PEPD: variants seen among roughly 807,000 people sequenced by gnomAD.
PEPD encodes xaa-Pro dipeptidase.
Under a neutral mutation model 60.7 loss-of-function variants are expected in PEPD, and 53 were observed. That is an observed-to-expected ratio of 0.87 (90% CI 0.70 to 1.10). The LOEUF is 1.10. Ranked by LOEUF, PEPD falls within the 50% of genes least tolerant of loss-of-function variation. The pLI, the probability that PEPD is intolerant of heterozygous loss-of-function variation, is 0.00. For missense variants in PEPD, 711 were observed against 711.9 expected, an observed-to-expected ratio of 1.00 and a Z score of 0.01; for synonymous variants, 267 against 284.1, an observed-to-expected ratio of 0.94 and a Z score of 0.60.
At position 33,387,918 on chromosome 19, in the gene PEPD, A is replaced by G; in HGVS notation, c.1316T>C (p.Val439Ala). Residue 439 changes from valine to alanine, a missense_variant, in exon 14 of 15, where the codon GTC (valine) becomes GCC (alanine). Transcript: ENST00000244137. ...GCCAAAACCGCGAAAGCGCTGCAGG[A>G]CCTCGCGGTTAAGGAAGGAGGCGCG... Reference protein sequence around the residue: ...PARASFLNREVLQRFRGFGGV... With the variant: ...PARASFLNREALQRFRGFGGV... 6.3e-7 allele frequency: 1 copy of G among 1,587,602 alleles called. No homozygotes were observed. Among genetic ancestry groups the G allele is most frequent in the South Asian group, 1.1e-5 (1 of 87,232 alleles).
intron 9 of PEPD, among the ~76,000 whole-genome samples, chr19:33,459,370 T>G (rs1358423564): frequency 6.6e-6 from 1 of 152,178 alleles, no homozygotes; most frequent in Non-Finnish European, 1.5e-5. Context: ...GAGCTGGGAC[T>G]CGCTTACACA....
At chr19:33,411,268 C>T (rs573517515) in intron 11 of PEPD, among the ~76,000 whole-genome samples, 197 of 152,270 alleles carry the variant, frequency 1.3e-3, no homozygotes, top group African/African-American at 4.3e-3. Context: ...AGGCTCCCTG[C>T]GGTCTTCCCA....
At chr19:33,490,128 T>A in intron 5 of PEPD, 71 bp from the exon 6 acceptor site, 1 of 1,050,028 alleles carries the variant, frequency 9.5e-7, no homozygotes. Flanking sequence ...CCCTGAGGCC[T>A]CCAGCTAGGC....
intron 11 of PEPD, among the ~76,000 whole-genome samples, chr19:33,411,342 T>G (rs2145364067): frequency 6.6e-6 from 1 of 152,234 alleles, no homozygotes. Flanking sequence ...TGGTGCCCCC[T>G]GAACGGAGAG....
At chr19:33,492,068 G>C (rs776574775) in intron 5 of PEPD, among the ~76,000 whole-genome samples, 7 of 141,306 alleles carry the variant, frequency 5.0e-5, no homozygotes, top group Non-Finnish European at 9.2e-5. Context: ...AAAAAGACAA[G>C]AGGGAAGGGT....
At position 33,464,009 on chromosome 19, in the gene PEPD, AT is replaced by A. The variant is rs1969975609; in HGVS notation, c.601del (p.Ile201SerfsTer9). The A allele has an allele frequency of 6.2e-7, 1 of 1,612,276 alleles. No homozygotes were observed. The highest frequency in any genetic ancestry group is 8.5e-7 in the Non-Finnish European group (1 of 1,179,040). On this transcript the variant is annotated frameshift_variant, in exon 8 of 15. Transcript: ENST00000244137. LOFTEE classifies it high-confidence loss of function. ...TACCTCACGGTGGGCCTCGCTGGAG[AT>A]TTTATTGGTATAGCGCAGAACCTCC... ...ELEVLRYTNK[I>X]SSEAHREVMK...
chr19:33,387,843 A>T lies in PEPD; in HGVS notation c.1344+47T>A, dbSNP rs115434732. 6.5e-4 allele frequency: 921 copies of T among 1,426,156 alleles called. 6 individuals are homozygous for T. In the African/African-American group the frequency reaches 0.012, roughly 19 times the overall value. 88.3% of individuals were successfully genotyped at this position (1,426,156 alleles called of 1,614,324 possible). On this transcript the variant is annotated intron_variant, in intron 14 of 14. Coordinates refer to ENST00000244137, the MANE Select transcript of PEPD (RefSeq NM_000285.4). ...ACTAAGGAGTCTGCAGCTGCAGTGG[A>T]GGTGGCAGATGTTCTGGGAGCAAGA... is the stretch of plus-strand genomic sequence containing the variant.
At chr19:33,460,434 C>G (rs1267571258) in intron 9 of PEPD, among the ~76,000 whole-genome samples, 1 of 152,122 alleles carries the variant, frequency 6.6e-6, no homozygotes, top group African/African-American at 2.4e-5. Context: ...GCAATCGGGG[C>G]GCCTCCTCAA....
chr19:33,449,205 G>A (rs866017206), intron 9 of PEPD, among the ~76,000 whole-genome samples: 6 of 152,218 alleles, frequency 3.9e-5, no homozygotes, highest in Admixed American at 6.5e-5. Flanking sequence ...ACCACCTGGT[G>A]CAACTCATAG....
At chr19:33,436,948 TG>T in intron 9 of PEPD, among the ~76,000 whole-genome samples, 1 of 152,118 alleles carries the variant, frequency 6.6e-6, no homozygotes, top group African/African-American at 2.4e-5. Context: ...TAAAGTCCGA[TG>T]AGGCAGAAGC....
chr19:33,389,613 G>A (rs925606708), intron 13 of PEPD, among the ~76,000 whole-genome samples: 1 of 152,210 alleles, frequency 6.6e-6, no homozygotes, highest in African/African-American at 2.4e-5. Flanking sequence ...GCCTGCCAAC[G>A]TCAGGTTTCC....
chr19:33,414,066 C>T (rs765219072), intron 9 of PEPD, among the ~76,000 whole-genome samples: 12 of 152,216 alleles, frequency 7.9e-5, no homozygotes, highest in Non-Finnish European at 1.8e-4. Flanking sequence ...GAGGCCACCA[C>T]CCACCCTGCC....
chr19:33,516,253 G>A (rs79815161), intron 1 of PEPD, among the ~76,000 whole-genome samples: 12,343 of 152,084 alleles, frequency 0.081, 558 homozygotes, highest in Non-Finnish European at 0.11. Flanking sequence ...CTGCAAATTC[G>A]GCAAATGTAG....
At chr19:33,393,254 GCGT>G (rs1968272822) in intron 12 of PEPD, among the ~76,000 whole-genome samples, 1 of 144,254 alleles carries the variant, frequency 6.9e-6, no homozygotes, top group African/African-American at 2.6e-5. Context: ...CTGGGGTCTG[GCGT>G]GGGGGAGGGC....
intron 6 of PEPD, among the ~76,000 whole-genome samples, chr19:33,481,728 T>C (rs1341953780): frequency 6.6e-6 from 1 of 151,592 alleles, no homozygotes; most frequent in African/African-American, 2.4e-5. Context: ...CCAATCTTCA[T>C]AAACTCTTAC....
intron 4 of PEPD, among the ~76,000 whole-genome samples, chr19:33,494,930 C>G (rs749385325): frequency 2.6e-5 from 4 of 152,084 alleles, no homozygotes; most frequent in Non-Finnish European, 5.9e-5. Flanking sequence ...GTCAGGAGAT[C>G]GAGACCATCC....
chr19:33,418,610 G>T (rs569323019), intron 9 of PEPD, among the ~76,000 whole-genome samples: 1 of 152,332 alleles, frequency 6.6e-6, no homozygotes, highest in East Asian at 1.9e-4. Flanking sequence ...TGGAATCGCC[G>T]CCTGGGTGGC....
chr19:33,517,035 G>A (rs1374155806), intron 1 of PEPD, among the ~76,000 whole-genome samples: 2 of 151,880 alleles, frequency 1.3e-5, no homozygotes, highest in Admixed American at 1.3e-4. Flanking sequence ...ACAAAAATTA[G>A]TCAGGAATGG....
At chr19:33,395,448 C>T (rs7258031) in intron 12 of PEPD, among the ~76,000 whole-genome samples, 49,809 of 152,044 alleles carry the variant, frequency 0.33, 8,335 homozygotes, top group East Asian at 0.4. Flanking sequence ...GACCCTAGAA[C>T]GGGCAGGGTG....
Sources: gnomAD v4.1 joint callset for allele counts (sites outside exome capture counted in the v4.1 genomes callset) on GRCh38, gnomAD v4.1.1 for gene constraint, MANE v1.5 for transcripts, NCBI Gene and HGNC (gene_info 2026-07-23, HGNC 2026-07-21) for gene names.